TAC1: variants seen among roughly 807,000 people sequenced by gnomAD.
TAC1 encodes tachykinin precursor 1, also known as protachykinin-1.
Under a neutral mutation model 21.7 loss-of-function variants are expected in TAC1, and 12 were observed. The observed-to-expected ratio is 0.55, with a 90% CI of 0.35 to 0.89. The LOEUF (loss-of-function observed/expected upper bound fraction) is 0.89, where lower values mean the gene tolerates loss of function less well. Among genes scored for constraint, TAC1 ranks in the 40% least tolerant of loss-of-function variants. TAC1 has a pLI of 0.01. For synonymous variants in TAC1, 52 were observed against 52.0 expected (o/e 1.00, Z 0.00); for missense variants, 128 against 151.4 (o/e 0.85, Z 0.81).
intron 6 of TAC1, among the ~76,000 whole-genome samples, chr7:97,737,098 C>T (rs1331420557): frequency 2.6e-5 from 4 of 151,872 alleles, no homozygotes; most frequent in Non-Finnish European, 4.4e-5. Flanking sequence ...TATCTGAAAA[C>T]CATTATTAGT....
Position 97,733,990 on chromosome 7 carries a change from C to CG in TAC1, c.220+177dup, listed in dbSNP as rs1789502431. Reference sequence around the variant, plus strand: ...CCGCACTAAGGCACGCACGGGCCCGCGGGGGGAGGGAAAGATCTGGTTCGC... The same window carrying CG: ...CCGCACTAAGGCACGCACGGGCCCGCGGGGGGGAGGGAAAGATCTGGTTCGC... On this transcript the variant is annotated intron_variant, in intron 3 of 6. Transcript: ENST00000319273. The CG allele has an allele frequency of 7.0e-5, 50 of 716,952 alleles. No individual in the cohort carries two copies. The South Asian group carries it at 9.3e-4, about 13-fold the overall frequency. 44.4% of individuals were successfully genotyped at this position (716,952 alleles called of 1,614,324 possible). A position where few individuals can be genotyped will look rare whatever the true frequency, so the allele number is the denominator to read the frequency against.
In TAC1 at chr7:97,732,532, A is replaced by C. The variant is rs6971011; in HGVS notation, c.-9-72A>C. 24,740 of 1,565,522 alleles carry C rather than the reference A, an allele frequency of 0.016. 1,971 individuals carry two copies. In the African/African-American group the frequency reaches 0.22, roughly 14 times the overall value. ...TGGGGCAGAAAATTCTGTTGCTTTA[A>C]CTCTTGGATAACCACCCCTAATAGA... On this transcript the variant is annotated intron_variant, in intron 1 of 6. Transcript: ENST00000319273. This position sits in a 1 kb window ranked among gnomAD's most constrained non-coding sequence, Gnocchi z 6.2.
Position 97,732,516 on chromosome 7 carries a change from A to C in TAC1, c.-9-88A>C. ...CTTGGTTCATCCGTTGTGGGGCAGA[A>C]AATTCTGTTGCTTTAACTCTTGGAT... On this transcript the variant is annotated intron_variant, in intron 1 of 6. Transcript: ENST00000319273. The surrounding 1 kb of genome is among the most constrained non-coding windows in gnomAD (Gnocchi z 6.2). 2 of 1,515,970 alleles carry C rather than the reference A, an allele frequency of 1.3e-6. No homozygotes were observed. Among genetic ancestry groups the C allele is most frequent in the Non-Finnish European group, 1.8e-6 (2 of 1,113,242 alleles). The allele number at this position is 1,515,970 out of a possible 1,614,324, so 93.9% of individuals were successfully genotyped here. A position where few individuals can be genotyped will look rare whatever the true frequency, so the allele number is the denominator to read the frequency against.
At chr7:97,738,186 A>C (rs1177319736) in intron 6 of TAC1, among the ~76,000 whole-genome samples, 1 of 151,984 alleles carries the variant, frequency 6.6e-6, no homozygotes, top group Non-Finnish European at 1.5e-5. Flanking sequence ...TATGTACCTC[A>C]TTGAGGCAAG....
intron 5 of TAC1, among the ~76,000 whole-genome samples, 158 bp downstream of exon 5, chr7:97,735,007 A>C (rs1195078618): frequency 6.6e-6 from 1 of 152,200 alleles, no homozygotes; most frequent in East Asian, 1.9e-4. Context: ...TACATCCAGA[A>C]TATGGTTGTT....
chr7:97,738,485 G>A (rs530852085), intron 6 of TAC1, among the ~76,000 whole-genome samples: 1 of 152,086 alleles, frequency 6.6e-6, no homozygotes, highest in South Asian at 2.1e-4. Flanking sequence ...CCTAAAGCTT[G>A]TCAGAGACTG....
At chr7:97,734,421 C>T (rs1282719399) in intron 4 of TAC1, 129 bp downstream of exon 4, 6 of 761,278 alleles carry the variant, frequency 7.9e-6, no homozygotes, top group East Asian at 5.4e-5. Flanking sequence ...GATTTGCGCA[C>T]TCTCTCTCGG....
At position 97,739,874 on chromosome 7, in the gene TAC1, T is replaced by C. The variant is rs747166094; in HGVS notation, c.344T>C (p.Val115Ala). 1 of 1,604,458 alleles carries C rather than the reference T, an allele frequency of 6.2e-7. No homozygotes were observed. The highest frequency in any genetic ancestry group is 8.5e-7 in the Non-Finnish European group (1 of 1,175,832). The change falls in exon 7 of 7, where the codon GTG becomes GCG. Residue 115 changes from valine to alanine, a missense_variant and splice_region_variant. Coordinates refer to ENST00000319273, the MANE Select transcript of TAC1 (RefSeq NM_003182.3). ...CACTTTATCTCTTCTTTGTTTTCAG[T>C]GGCTTATGAAAGGAGTGCAATGCAG... ...GLMGKRALNS[V>A]AYERSAMQNY... is the part of the protein sequence containing the mutation.
At chr7:97,733,402 G>A (rs62499561) in intron 2 of TAC1, among the ~76,000 whole-genome samples, 35,832 of 151,958 alleles carry the variant, frequency 0.24, 4,422 homozygotes, top group Non-Finnish European at 0.27. Context: ...CCGGCACCGA[G>A]ACAAGACAAA....
At position 97,732,780 on chromosome 7, in the gene TAC1, C is replaced by G. The variant is rs769526585; in HGVS notation, c.123+45C>G. 17 of 1,590,370 alleles carry G rather than the reference C, an allele frequency of 1.1e-5. No homozygotes were observed. The South Asian group carries it at 1.9e-4, about 18-fold the overall frequency. ...CGGCCCGCACCCTTCTTCCTGGGCT[C>G]GGGAGCTGTCACCTTCCCACGCAAC... On this transcript the variant is annotated intron_variant, in intron 2 of 6. Transcript: ENST00000319273. The surrounding 1 kb of genome is among the most constrained non-coding windows in gnomAD (Gnocchi z 6.2).
In TAC1 at chr7:97,732,548, C is replaced by T; in HGVS notation, c.-9-56C>T. 2 of 1,599,932 alleles carry T rather than the reference C, an allele frequency of 1.3e-6. No individual in the cohort carries two copies. The highest frequency in any genetic ancestry group is 2.7e-5 in the African/African-American group (2 of 74,616). On this transcript the variant is annotated intron_variant, in intron 1 of 6. Transcript: ENST00000319273. The surrounding 1 kb of genome is among the most constrained non-coding windows in gnomAD (Gnocchi z 6.2). ...GTTGCTTTAACTCTTGGATAACCAC[C>T]CCTAATAGATACATTATTTCTCTCT...
intron 6 of TAC1, among the ~76,000 whole-genome samples, chr7:97,738,546 T>C (rs1291098479): frequency 6.6e-6 from 1 of 152,000 alleles, no homozygotes; most frequent in Non-Finnish European, 1.5e-5. Context: ...GAATGAGAAA[T>C]AAACTGTTTC....
intron 4 of TAC1, 32 bp from the exon 5 acceptor site, chr7:97,734,794 A>G: frequency 3.9e-6 from 6 of 1,553,856 alleles, no homozygotes; most frequent in Non-Finnish European, 3.5e-6. Context: ...AAACAAATCT[A>G]TATGTGTTTG....
chr7:97,734,859 A>G lies in TAC1; in HGVS notation c.289+10A>G. On this transcript the variant is annotated intron_variant, in intron 5 of 6. Transcript: ENST00000319273. ...CAGATCTCTCACAAAAGTAAGTTCA[A>G]AATTATTTTGACATTTATCAAATTT... The G allele has an allele frequency of 1.3e-6, 2 of 1,579,524 alleles. No individual in the cohort carries two copies. Among genetic ancestry groups the G allele is most frequent in the African/African-American group, 1.4e-5 (1 of 74,020 alleles).
At chr7:97,735,299 A>G (rs909255636) in intron 5 of TAC1, among the ~76,000 whole-genome samples, 2 of 152,218 alleles carry the variant, frequency 1.3e-5, no homozygotes, top group African/African-American at 2.4e-5. Flanking sequence ...CCAGCAGCCA[A>G]TTAAATGGAA....
intron 5 of TAC1, among the ~76,000 whole-genome samples, chr7:97,736,084 T>C (rs1789569114): frequency 6.6e-6 from 1 of 152,092 alleles, no homozygotes; most frequent in African/African-American, 2.4e-5. Flanking sequence ...TTGCTAATAT[T>C]AAATATAGAA....
At position 97,734,817 on chromosome 7, in the gene TAC1, T is replaced by C; in HGVS notation, c.266-9T>C. ...CTATATGTGTTTGCTAATTTTATCTTTCTTCTAGGACATGGCCAGATCTCT... is the reference window on the plus strand; with the variant it reads ...CTATATGTGTTTGCTAATTTTATCTCTCTTCTAGGACATGGCCAGATCTCT... On this transcript the variant is annotated splice_polypyrimidine_tract_variant and intron_variant, in intron 4 of 6. Coordinates refer to ENST00000319273, the MANE Select transcript of TAC1 (RefSeq NM_003182.3). 6.3e-7 allele frequency: 1 copy of C among 1,590,718 alleles called. No individual in the cohort carries two copies. The highest frequency in any genetic ancestry group is 8.6e-7 in the Non-Finnish European group (1 of 1,163,854).
chr7:97,732,526 G>T lies in TAC1; in HGVS notation c.-9-78G>T. On this transcript the variant is annotated intron_variant, in intron 1 of 6. Coordinates refer to ENST00000319273, the MANE Select transcript of TAC1 (RefSeq NM_003182.3). This position sits in a 1 kb window ranked among gnomAD's most constrained non-coding sequence, Gnocchi z 6.2. ...CCGTTGTGGGGCAGAAAATTCTGTT[G>T]CTTTAACTCTTGGATAACCACCCCT... 6.4e-7 allele frequency: 1 copy of T among 1,550,966 alleles called. No individual in the cohort carries two copies.
Position 97,734,425 on chromosome 7 carries a change from C to T in TAC1, c.265+133C>T, listed in dbSNP as rs966869968. The T allele has an allele frequency of 7.1e-6, 5 of 705,240 alleles. No individual in the cohort carries two copies. In the East Asian group the frequency reaches 1.3e-4, roughly 19 times the overall value. The allele number at this position is 705,240 out of a possible 1,614,324, so 43.7% of individuals were successfully genotyped here. ...ATAAAGAGATGGATTTGCGCACTCT[C>T]TCTCGGTTTCTCTCTCTCTCTGTCA... is the stretch of plus-strand genomic sequence containing the variant. On this transcript the variant is annotated intron_variant, in intron 4 of 6. Coordinates refer to ENST00000319273, the MANE Select transcript of TAC1 (RefSeq NM_003182.3).
Sources: gnomAD v4.1 joint callset for allele counts (sites outside exome capture counted in the v4.1 genomes callset) on GRCh38, gnomAD v4.1.1 for gene constraint, Gnocchi (gnomAD v3.1) non-coding constraint, MANE v1.5 for transcripts, NCBI Gene and HGNC (gene_info 2026-07-23, HGNC 2026-07-21) for gene names.